CDH13: variants seen among roughly 807,000 people sequenced by gnomAD.
CDH13 encodes the protein cadherin-13.
CDH13 carries 24 observed loss-of-function variants against 63.8 expected under a neutral mutation model. The observed-to-expected ratio is 0.38, with a 90% confidence interval of 0.27 to 0.53. The LOEUF is 0.53. Among genes scored for constraint, CDH13 ranks in the 20% least tolerant of loss-of-function variants. The pLI, the probability that CDH13 is intolerant of heterozygous loss-of-function variation, is 0.85. For missense variants in CDH13, 1,049 were observed against 903.1 expected (o/e 1.16, Z -2.07); for synonymous variants, 503 against 355.3 (o/e 1.42, Z -4.67).
chr16:83,325,826 C>A (rs1414017108), intron 5 of CDH13, among the ~76,000 whole-genome samples: 1 of 152,120 alleles, frequency 6.6e-6, no homozygotes, highest in Admixed American at 6.5e-5. Context: ...TATCTCATCA[C>A]TGAATGAGGC....
intron 2 of CDH13, among the ~76,000 whole-genome samples, chr16:82,882,526 G>A (rs559529499): frequency 1.3e-5 from 2 of 152,298 alleles, no homozygotes; most frequent in Admixed American, 6.5e-5. Flanking sequence ...GGTAGGGCTC[G>A]ATGATCAGAA....
intron 8 of CDH13, among the ~76,000 whole-genome samples, chr16:83,630,597 TG>T (rs879075512): frequency 2.6e-5 from 4 of 152,286 alleles, no homozygotes; most frequent in Admixed American, 2.6e-4. Flanking sequence ...TCTAGCTCAG[TG>T]AATCTGCATT....
chr16:82,870,226 C>G (rs1226413944), intron 2 of CDH13, among the ~76,000 whole-genome samples: 1 of 152,114 alleles, frequency 6.6e-6, no homozygotes, highest in East Asian at 1.9e-4. Flanking sequence ...TCCAACCTCA[C>G]TAATCATCAG....
intron 2 of CDH13, among the ~76,000 whole-genome samples, chr16:82,887,476 G>A (rs1033855231): frequency 3.9e-5 from 6 of 152,188 alleles, no homozygotes; most frequent in Admixed American, 6.5e-5. Flanking sequence ...GAGTCCTGGA[G>A]AGAAGAATGC....
intron 4 of CDH13, among the ~76,000 whole-genome samples, chr16:83,133,289 C>G (rs1481474876): frequency 6.6e-6 from 1 of 152,140 alleles, no homozygotes; most frequent in Non-Finnish European, 1.5e-5. Flanking sequence ...CATTGGATTT[C>G]AAAAGCTTAT....
intron 2 of CDH13, among the ~76,000 whole-genome samples, chr16:82,975,485 G>A (rs562077914): frequency 2.0e-5 from 3 of 152,328 alleles, no homozygotes; most frequent in Admixed American, 1.3e-4. Context: ...CCCTGTGACA[G>A]GGATAATAAT....
intron 4 of CDH13, among the ~76,000 whole-genome samples, chr16:83,169,769 T>G (rs1309418954): frequency 6.6e-6 from 1 of 152,132 alleles, no homozygotes; most frequent in Non-Finnish European, 1.5e-5. Context: ...TTTGAAATAC[T>G]GAATTTTTAA....
intron 5 of CDH13, among the ~76,000 whole-genome samples, chr16:83,324,005 A>T (rs1027572957): frequency 6.6e-6 from 1 of 150,866 alleles, no homozygotes; most frequent in Non-Finnish European, 1.5e-5. Flanking sequence ...ATTCCCAGTC[A>T]TGCAACCATC....
In CDH13 at chr16:82,697,787, G is replaced by GTT. The variant is rs1302221385; in HGVS notation, c.45+70651_45+70652insTT. The stretch of plus-strand genomic sequence containing the variant: ...TGTGTGTGTGTGTGTGTGTGTGTGT[G>GTT]TAAGTTTTTTCATGAATTCAAAACA... On this transcript the variant is annotated intron_variant, in intron 1 of 13. Transcript: ENST00000567109. 7.0e-3 allele frequency among the ~76,000 whole-genome samples: 748 copies of GTT among 106,330 alleles called. 9 individuals carry two copies. Among genetic ancestry groups the GTT allele is most frequent in the African/African-American group, 0.029 (720 of 24,500 alleles). 69.8% of individuals were successfully genotyped at this position (106,330 alleles called of 152,430 possible).
chr16:83,355,215 G>T (rs146450642), intron 6 of CDH13, among the ~76,000 whole-genome samples: 2 of 152,182 alleles, frequency 1.3e-5, no homozygotes, highest in African/African-American at 4.8e-5. Context: ...ATGGAGAGAA[G>T]AGATCACATA....
intron 1 of CDH13, among the ~76,000 whole-genome samples, chr16:82,802,297 CA>C (rs1485865106): frequency 6.6e-6 from 1 of 152,142 alleles, no homozygotes; most frequent in Non-Finnish European, 1.5e-5. Flanking sequence ...GCGGGGACAA[CA>C]ACAGTGTCTC....
chr16:82,757,864 T>C (rs1241070774), intron 1 of CDH13, among the ~76,000 whole-genome samples: 6 of 152,072 alleles, frequency 3.9e-5, no homozygotes, highest in African/African-American at 1.4e-4. Flanking sequence ...TTACACAAGA[T>C]GGTCTCGATT....
Position 82,627,101 on chromosome 16 carries a change from G to T in CDH13, c.9G>T (p.Pro3=), listed in dbSNP as rs775644013. The change falls in exon 1 of 14, where the codon CCG becomes CCT. Residue 3 remains proline, a synonymous_variant. Transcript: ENST00000567109. The part of the protein sequence containing the change: MQ[P]RTPLVLCVLL... ...GCTTCTAGTCGGACAAAATGCAGCC[G>T]AGAACTCCGCTCGTTCTGTGCGTTC... 6.2e-7 allele frequency: 1 copy of T among 1,604,750 alleles called. No homozygotes were observed. The highest frequency in any genetic ancestry group is 1.1e-5 in the South Asian group (1 of 89,082).
chr16:83,770,536 A>G lies in CDH13; in HGVS notation c.1682-9432A>G, dbSNP rs149404436. On this transcript the variant is annotated intron_variant, in intron 11 of 13. Transcript: ENST00000567109. ...GCGAGTCCATTAAGTGAAAGCAAGTATATTAGGAATGTAAAGGAATAAAAG... is the reference window on the plus strand; with the variant it reads ...GCGAGTCCATTAAGTGAAAGCAAGTGTATTAGGAATGTAAAGGAATAAAAG... 7.2e-5 allele frequency among the ~76,000 whole-genome samples: 11 copies of G among 152,332 alleles called. No homozygotes were observed. In the East Asian group the frequency reaches 1.7e-3, roughly 24 times the overall value.
chr16:82,673,816 C>T (rs1445623105), intron 1 of CDH13, among the ~76,000 whole-genome samples: 1 of 152,150 alleles, frequency 6.6e-6, no homozygotes, highest in Non-Finnish European at 1.5e-5. Context: ...CAAGCTCATC[C>T]ATGTGGAAGT....
chr16:82,831,284 C>T (rs1477224362), intron 1 of CDH13, among the ~76,000 whole-genome samples: 1 of 152,172 alleles, frequency 6.6e-6, no homozygotes, highest in Non-Finnish European at 1.5e-5. Flanking sequence ...AGGCCGAAAC[C>T]ATACATTTAT....
chr16:83,502,562 G>A (rs2074306264), intron 7 of CDH13, among the ~76,000 whole-genome samples: 1 of 152,150 alleles, frequency 6.6e-6, no homozygotes, highest in Non-Finnish European at 1.5e-5. Flanking sequence ...ATAGGAAATG[G>A]ATGTAACCTT....
chr16:83,543,601 T>C (rs924893041), intron 7 of CDH13, among the ~76,000 whole-genome samples: 1 of 152,170 alleles, frequency 6.6e-6, no homozygotes, highest in African/African-American at 2.4e-5. Flanking sequence ...CACTGTTAAT[T>C]TTCACCTAAG....
At chr16:82,860,631 A>G (rs929458079) in intron 2 of CDH13, among the ~76,000 whole-genome samples, 1 of 106,742 alleles carries the variant, frequency 9.4e-6, no homozygotes, top group African/African-American at 3.9e-5. Flanking sequence ...ATGTCCATGT[A>G]TATTACTAAG....
Sources: allele counts gnomAD v4.1 joint callset (sites outside exome capture counted in the v4.1 genomes callset), GRCh38; gene constraint gnomAD v4.1.1; transcripts MANE v1.5; gene names NCBI Gene and HGNC (gene_info 2026-07-23, HGNC 2026-07-21).